CHD7: variants seen among roughly 807,000 people sequenced by gnomAD.
CHD7 encodes the protein ATP-dependent chromatin remodeler CHD7.
A neutral mutation model predicts 307.3 loss-of-function variants in CHD7; 24 were observed. That is an observed-to-expected ratio of 0.08 (90% CI 0.06 to 0.11). CHD7 has a LOEUF of 0.11. CHD7 is among the 10% of genes least tolerant of loss of function. CHD7 has a pLI of 1.00. For missense variants in CHD7, 3,106 were observed against 3,727.1 expected, an observed-to-expected ratio of 0.83 and a Z score of 4.34; for synonymous variants, 1,363 against 1,349.9, an observed-to-expected ratio of 1.01 and a Z score of -0.21.
At chr8:60,816,121 CT>C (rs1803730259) in intron 7 of CHD7, among the ~76,000 whole-genome samples, 3 of 89,336 alleles carry the variant, frequency 3.4e-5, no homozygotes, top group African/African-American at 1.5e-4. Context: ...CTGTCTCTCT[CT>C]CTCTCTCTCT....
chr8:60,848,699 C>T, intron 24 of CHD7, 95 bp downstream of exon 24: 1 of 936,570 alleles, frequency 1.1e-6, no homozygotes, highest in Non-Finnish European at 1.7e-6. Context: ...TCATAAACCA[C>T]TAGTAACCCA....
intron 1 of CHD7, among the ~76,000 whole-genome samples, chr8:60,722,648 C>T (rs932707466): frequency 6.6e-6 from 1 of 152,146 alleles, no homozygotes. Flanking sequence ...AATAGCGTAA[C>T]TTTTGTTTTT....
chr8:60,733,292 T>G (rs1281966846), intron 1 of CHD7, among the ~76,000 whole-genome samples: 1 of 111,574 alleles, frequency 9.0e-6, no homozygotes, highest in East Asian at 2.6e-4. Flanking sequence ...GCTACATATG[T>G]GATCTACACC....
chr8:60,798,614 A>G (rs1165120011), intron 4 of CHD7, among the ~76,000 whole-genome samples: 2 of 152,114 alleles, frequency 1.3e-5, no homozygotes, highest in Non-Finnish European at 2.9e-5. Flanking sequence ...GCACACAATG[A>G]ATGTTTTGCC....
intron 1 of CHD7, among the ~76,000 whole-genome samples, chr8:60,716,955 G>T (rs185415573): frequency 4.0e-5 from 6 of 151,710 alleles, no homozygotes; most frequent in Non-Finnish European, 2.9e-5. Flanking sequence ...TTCAGAAATT[G>T]AAGACAGTGT....
chr8:60,678,770 G>GGCGGCGGCGGCGGCGGCGGCGGCGGCA lies in CHD7; in HGVS notation c.-467_-466insGGCGGCAGCGGCGGCGGCGGCGGCGGC, dbSNP rs1554568924. The GGCGGCGGCGGCGGCGGCGGCGGCGGCA allele has an allele frequency of 2.5e-4, 35 of 140,144 alleles. No homozygotes were observed. Among genetic ancestry groups the GGCGGCGGCGGCGGCGGCGGCGGCGGCA allele is most frequent in the South Asian group, 1.2e-3 (6 of 4,832 alleles). The allele number at this position is 140,144 out of a possible 1,614,324, so 8.7% of individuals were successfully genotyped here. On this transcript the variant is annotated 5_prime_UTR_variant, in exon 1 of 38. Transcript: ENST00000423902. ...GGCGCTGGCGTGCTGGGGCCGCGGC[G>GGCGGCGGCGGCGGCGGCGGCGGCGGCA]GCGGCGGCGGCGGCGGCGGCAGCGG...
At chr8:60,700,697 T>C (rs1376952049) in intron 1 of CHD7, among the ~76,000 whole-genome samples, 1 of 152,226 alleles carries the variant, frequency 6.6e-6, no homozygotes, top group Non-Finnish European at 1.5e-5. Flanking sequence ...TGGCAGCCAT[T>C]GGAGGCAGTA....
chr8:60,786,176 T>G (rs1811483125), intron 3 of CHD7, among the ~76,000 whole-genome samples: 2 of 152,210 alleles, frequency 1.3e-5, no homozygotes, highest in Non-Finnish European at 2.9e-5. Context: ...TTCTTTCCTT[T>G]AGGGTAACCA....
chr8:60,715,326 C>CTTTTTTTTTTTTTTTTTTTTTTTT (rs11376102), intron 1 of CHD7, among the ~76,000 whole-genome samples: 1 of 125,902 alleles, frequency 7.9e-6, no homozygotes, highest in African/African-American at 3.1e-5. Context: ...AGGGCTCTGC[C>CTTTTTTTTTTTTTTTTTTTTTTTT]TTTTTTTTTT....
At position 60,862,700 on chromosome 8, in the gene CHD7, G is replaced by C. The variant is rs749650501; in HGVS notation, c.8076+48G>C. The C allele has an allele frequency of 1.3e-4, 164 of 1,267,256 alleles. 3 individuals are homozygous for C. The South Asian group carries it at 1.3e-3, about 10-fold the overall frequency. 78.5% of individuals were successfully genotyped at this position (1,267,256 alleles called of 1,614,324 possible). A position where few individuals can be genotyped will look rare whatever the true frequency, so the allele number is the denominator to read the frequency against. ...TCAAGAAAGGTAGCTATACAAAACTGTTTTCCTTAGTCTTTCTTATTTTCT... is the reference window on the plus strand; with the variant it reads ...TCAAGAAAGGTAGCTATACAAAACTCTTTTCCTTAGTCTTTCTTATTTTCT... On this transcript the variant is annotated intron_variant, in intron 37 of 37. Transcript: ENST00000423902.
At chr8:60,851,415 C>T in intron 28 of CHD7, 96 bp downstream of exon 28, 1 of 858,268 alleles carries the variant, frequency 1.2e-6, no homozygotes, top group Non-Finnish European at 1.9e-6. Context: ...ACAGCAGTGT[C>T]TTAACACCTT....
intron 2 of CHD7, among the ~76,000 whole-genome samples, chr8:60,768,707 G>T (rs982254168): frequency 7.9e-5 from 12 of 152,198 alleles, no homozygotes; most frequent in African/African-American, 2.7e-4. Flanking sequence ...TGAATTTGCT[G>T]TAGTAGAAAC....
chr8:60,864,072 T>C (rs540826271), intron 37 of CHD7: 5 of 152,014 alleles, frequency 3.3e-5, no homozygotes, highest in African/African-American at 1.2e-4. Flanking sequence ...TTGACAAAAA[T>C]TAATTGATGA....
At position 60,836,073 on chromosome 8, in the gene CHD7, G is replaced by A. The variant is rs1421668887; in HGVS notation, c.3779G>A (p.Gly1260Asp). 6 of 1,603,862 alleles carry A rather than the reference G, an allele frequency of 3.7e-6. No homozygotes were observed. Among genetic ancestry groups the A allele is most frequent in the Non-Finnish European group, 5.1e-6 (6 of 1,173,522 alleles). ...KCCNHPYLIN[G>D]AEEKILEEFK... ...ACGTTATGCTGTCCAATCTCTGCAG[G>A]TGCTGAAGAGAAAATTTTGGAAGAG... Residue 1260 changes from glycine to aspartate, a missense_variant and splice_region_variant, in exon 16 of 38, where the codon GGT (glycine) becomes GAT (aspartate). By Grantham distance (94) the Gly-to-Asp change is moderately conservative. Coordinates refer to ENST00000423902, the MANE Select transcript of CHD7 (RefSeq NM_017780.4).
At chr8:60,829,693 A>G (rs1804414681) in intron 14 of CHD7, among the ~76,000 whole-genome samples, 1 of 152,228 alleles carries the variant, frequency 6.6e-6, no homozygotes, top group Admixed American at 6.5e-5. Context: ...CTGTATTTGA[A>G]ATAAATAACG....
In CHD7 at chr8:60,862,544, C is replaced by A. The variant is rs1193013965; in HGVS notation, c.7972-4C>A. 2 of 1,564,806 alleles carry A rather than the reference C, an allele frequency of 1.3e-6. No homozygotes were observed. The highest frequency in any genetic ancestry group is 1.7e-6 in the Non-Finnish European group (2 of 1,153,650). On this transcript the variant is annotated splice_region_variant and splice_polypyrimidine_tract_variant and intron_variant, in intron 36 of 37. Transcript: ENST00000423902. ...TTAATCATTTGTCAAATGCCTCTACCCAGATGGGTGGAGCTATGGCGCCTC... is the reference window on the plus strand; with the variant it reads ...TTAATCATTTGTCAAATGCCTCTACACAGATGGGTGGAGCTATGGCGCCTC...
At chr8:60,748,874 AT>A (rs1201470206) in intron 2 of CHD7, among the ~76,000 whole-genome samples, 3 of 152,130 alleles carry the variant, frequency 2.0e-5, no homozygotes, top group Non-Finnish European at 4.4e-5. Context: ...TAGAAAAAAA[AT>A]TTAAAAGCTA....
At chr8:60,793,435 C>G (rs1241947720) in intron 3 of CHD7, among the ~76,000 whole-genome samples, 1 of 151,958 alleles carries the variant, frequency 6.6e-6, no homozygotes, top group Non-Finnish European at 1.5e-5. Flanking sequence ...CAAAATAAAA[C>G]TCTGAGTATT....
chr8:60,786,917 A>G (rs1811518495), intron 3 of CHD7, among the ~76,000 whole-genome samples: 1 of 152,228 alleles, frequency 6.6e-6, no homozygotes. Flanking sequence ...GCCACTGTGC[A>G]GAGCATCAGT....
Sources: allele counts gnomAD v4.1 joint callset (sites outside exome capture counted in the v4.1 genomes callset), GRCh38; gene constraint gnomAD v4.1.1; transcripts MANE v1.5; gene names NCBI Gene and HGNC (gene_info 2026-07-23, HGNC 2026-07-21).